Variants in RRBP1 observed in about 807,000 individuals in gnomAD.
RRBP1 encodes ribosome-binding protein 1.
In RRBP1, 94 loss-of-function variants were observed where a neutral mutation model predicts 165.2. The ratio of observed to expected loss-of-function variants is 0.57; its 90% CI spans 0.48 to 0.68. The LOEUF (loss-of-function observed/expected upper bound fraction) is 0.68. RRBP1 is among the 30% of genes least tolerant of loss of function. The pLI is 0.00. For missense variants in RRBP1, 1,676 were observed against 1,763.0 expected, an observed-to-expected ratio of 0.95 and a Z score of 0.88; for synonymous variants, 680 against 714.5, an observed-to-expected ratio of 0.95 and a Z score of 0.77.
chr20:17,636,422 C>T (rs911513172), intron 6 of RRBP1, among the ~76,000 whole-genome samples, 155 bp downstream of exon 6: 5 of 152,216 alleles, frequency 3.3e-5, no homozygotes, highest in Non-Finnish European at 7.3e-5. Context: ...TGCAACAGCC[C>T]CTGGACTCCT....
chr20:17,662,872 T>A (rs1195809311), intron 2 of RRBP1, among the ~76,000 whole-genome samples: 1 of 152,012 alleles, frequency 6.6e-6, no homozygotes, highest in Admixed American at 6.5e-5. Flanking sequence ...CACATTATAA[T>A]CACTACATTC....
At chr20:17,629,179 C>A (rs1181024648) in intron 9 of RRBP1, among the ~76,000 whole-genome samples, 1 of 152,242 alleles carries the variant, frequency 6.6e-6, no homozygotes, top group Non-Finnish European at 1.5e-5. Context: ...GTCGTGTAAC[C>A]CCCAGTCCAG....
intron 2 of RRBP1, among the ~76,000 whole-genome samples, chr20:17,673,957 CT>C (rs2037026791): frequency 6.6e-6 from 1 of 152,188 alleles, no homozygotes; most frequent in Non-Finnish European, 1.5e-5. Context: ...AAAATTAAGA[CT>C]TTCCTTTCTA....
chr20:17,678,254 A>C (rs951372020), intron 2 of RRBP1, among the ~76,000 whole-genome samples: 1 of 152,204 alleles, frequency 6.6e-6, no homozygotes, highest in Non-Finnish European at 1.5e-5. Flanking sequence ...AGGCACTGTC[A>C]CTTAAAATTA....
intron 5 of RRBP1, among the ~76,000 whole-genome samples, chr20:17,637,448 C>T (rs1461599223): frequency 6.6e-6 from 1 of 151,822 alleles, no homozygotes; most frequent in African/African-American, 2.4e-5. Context: ...ACAATGAGCC[C>T]CTGGGGTGGG....
Position 17,643,250 on chromosome 20 carries a change from G to T in RRBP1, c.1913-123C>A, listed in dbSNP as rs1049206600. On this transcript the variant is annotated intron_variant, in intron 3 of 24. Coordinates refer to ENST00000377813, the MANE Select transcript of RRBP1 (RefSeq NM_001365613.2). The surrounding 1 kb of genome is among the most constrained non-coding windows in gnomAD (Gnocchi z 4.3). ...ACGAAGAGCTCTCTGACTGCTTGGG[G>T]TCAGCAGGCTGAGCATGGCGAGTCT... 15 of 994,914 alleles carry T rather than the reference G, an allele frequency of 1.5e-5. No individual in the cohort carries two copies. Among genetic ancestry groups the T allele is most frequent in the Non-Finnish European group, 2.9e-6 (2 of 683,398 alleles). 61.6% of individuals were successfully genotyped at this position (994,914 alleles called of 1,614,324 possible). A position where few individuals can be genotyped will look rare whatever the true frequency, so the allele number is the denominator to read the frequency against.
In RRBP1 at chr20:17,643,666, C is replaced by T. The variant is rs2122371396; in HGVS notation, c.1913-539G>A. Among the ~76,000 whole-genome samples the T allele has an allele frequency of 6.6e-6, 1 of 152,216 alleles. No individual in the cohort carries two copies. Among genetic ancestry groups the T allele is most frequent in the Non-Finnish European group, 1.5e-5 (1 of 68,012 alleles). On this transcript the variant is annotated intron_variant, in intron 3 of 24. Coordinates refer to ENST00000377813, the MANE Select transcript of RRBP1 (RefSeq NM_001365613.2). The surrounding 1 kb of genome is among the most constrained non-coding windows in gnomAD (Gnocchi z 4.3). ...CACAGAAGGCAAGGAGAGGCTGCTT[C>T]CACACATCAGTGCAAACCCTATTTC...
At chr20:17,629,413 G>A in intron 9 of RRBP1, among the ~76,000 whole-genome samples, 1 of 152,208 alleles carries the variant, frequency 6.6e-6, no homozygotes, top group South Asian at 2.1e-4. Flanking sequence ...GAGTAGAAAG[G>A]CCCAGAACAC....
intron 20 of RRBP1, among the ~76,000 whole-genome samples, chr20:17,617,351 G>A (rs1386457183): frequency 6.6e-6 from 1 of 152,248 alleles, no homozygotes; most frequent in Non-Finnish European, 1.5e-5. Context: ...GCAATTTGAA[G>A]GGCAGGTGTC....
intron 2 of RRBP1, among the ~76,000 whole-genome samples, chr20:17,676,316 C>T (rs894174443): frequency 4.6e-5 from 7 of 152,124 alleles, no homozygotes; most frequent in African/African-American, 1.4e-4. Context: ...GGACCTGCTG[C>T]GTACAGGGTA....
At chr20:17,620,568 G>T in intron 17 of RRBP1, 147 bp downstream of exon 17, 1 of 797,298 alleles carries the variant, frequency 1.3e-6, no homozygotes, top group Non-Finnish European at 2.1e-6. Flanking sequence ...GGACTGAGCT[G>T]TCATCCCGCA....
chr20:17,673,286 A>C (rs2037013866), intron 2 of RRBP1, among the ~76,000 whole-genome samples: 2 of 152,210 alleles, frequency 1.3e-5, no homozygotes, highest in Admixed American at 1.3e-4. Flanking sequence ...CTTCACAGAC[A>C]GGAAGTAACT....
At chr20:17,615,603 CGCCT>C in intron 22 of RRBP1, 74 bp from the exon 23 acceptor site, 1 of 1,285,956 alleles carries the variant, frequency 7.8e-7, no homozygotes, top group Non-Finnish European at 1.1e-6. Context: ...CTACCGAGCA[CGCCT>C]GGGGACCAGG....
intron 5 of RRBP1, among the ~76,000 whole-genome samples, chr20:17,640,033 A>G (rs1234020916): frequency 6.6e-6 from 1 of 152,226 alleles, no homozygotes; most frequent in Non-Finnish European, 1.5e-5. Flanking sequence ...AAGACAATGT[A>G]AAATACTCAG....
chr20:17,618,762 T>G, intron 19 of RRBP1, 83 bp from the exon 20 acceptor site: 1 of 1,089,148 alleles, frequency 9.2e-7, no homozygotes, highest in East Asian at 2.4e-5. Context: ...CGCCGAAACA[T>G]AAAACCTAAC....
In RRBP1 at chr20:17,621,850, C is replaced by T. The variant is rs777949097; in HGVS notation, c.3240+5G>A. The T allele has an allele frequency of 1.2e-6, 2 of 1,613,830 alleles. No homozygotes were observed. Among genetic ancestry groups the T allele is most frequent in the Non-Finnish European group, 1.7e-6 (2 of 1,179,860 alleles). The stretch of plus-strand genomic sequence containing the variant: ...AGGTCCCCGGGAACCACCCTCCCCT[C>T]CTACCTGTTGTGCCAAGACAGAGAG... On this transcript the variant is annotated splice_donor_5th_base_variant and intron_variant, in intron 14 of 24. Transcript: ENST00000377813.
chr20:17,647,712 G>C (rs60177490), intron 3 of RRBP1, among the ~76,000 whole-genome samples: 368 of 152,316 alleles, frequency 2.4e-3, no homozygotes, highest in African/African-American at 8.0e-3. Flanking sequence ...ATGGACTTGA[G>C]GGCTTGGGGA....
chr20:17,650,570 C>A (rs148882794), intron 3 of RRBP1, among the ~76,000 whole-genome samples: 7 of 152,340 alleles, frequency 4.6e-5, no homozygotes, highest in South Asian at 2.1e-4. Flanking sequence ...CCTGCATCCC[C>A]GCATCCCCTG....
chr20:17,641,743 G>A (rs1163052403), intron 5 of RRBP1, 54 bp downstream of exon 5: 43 of 1,600,284 alleles, frequency 2.7e-5, no homozygotes, highest in Non-Finnish European at 3.1e-5. Context: ...ATGGGGCGGG[G>A]GTCCTCTGAG....
Sources: gnomAD v4.1 joint callset for allele counts (sites outside exome capture counted in the v4.1 genomes callset) on GRCh38, gnomAD v4.1.1 for gene constraint, Gnocchi (gnomAD v3.1) non-coding constraint, MANE v1.5 for transcripts, NCBI Gene and HGNC (gene_info 2026-07-23, HGNC 2026-07-21) for gene names.